CNTNAP4: variants seen among roughly 807,000 people sequenced by gnomAD.
The protein encoded by CNTNAP4 is contactin associated protein family member 4.
Under a neutral mutation model 148.4 loss-of-function variants are expected in CNTNAP4, and 98 were observed. That is an observed-to-expected ratio of 0.66 (90% CI 0.56 to 0.78). The LOEUF (loss-of-function observed/expected upper bound fraction) is 0.78, where lower values mean the gene tolerates loss of function less well. CNTNAP4 is among the 30% of genes least tolerant of loss of function. The probability of loss-of-function intolerance (pLI) is 0.00; values close to 1 mark genes in which losing one functional copy is unlikely to be tolerated. For synonymous variants in CNTNAP4, 730 were observed against 565.1 expected, an observed-to-expected ratio of 1.29 and a Z score of -4.14; for missense variants, 1,935 against 1,565.6, an observed-to-expected ratio of 1.24 and a Z score of -3.98.
chr16:76,335,940 A>G (rs1963985147), intron 2 of CNTNAP4, among the ~76,000 whole-genome samples: 1 of 152,140 alleles, frequency 6.6e-6, no homozygotes, highest in African/African-American at 2.4e-5. Flanking sequence ...CTGCTTGATT[A>G]TCATAGGATT....
chr16:76,292,483 A>G (rs999146319), intron 1 of CNTNAP4, among the ~76,000 whole-genome samples: 3 of 152,042 alleles, frequency 2.0e-5, no homozygotes, highest in Non-Finnish European at 2.9e-5. Flanking sequence ...CGGCATTACC[A>G]ATCTTCCCTA....
rs202191559 is a variant in CNTNAP4, at chr16:76,460,098, G to GT, written c.1334-1850dup. Among the ~76,000 whole-genome samples, 438 of 151,432 alleles carry GT rather than the reference G, an allele frequency of 2.9e-3. 16 individuals carry two copies. The East Asian group carries it at 0.065, about 23-fold the overall frequency. ...TTTTTATTTGTTTCTTTTTATTTTT[G>GT]TTTTTTTTGTTTGTTTGTTTTGTTC... On this transcript the variant is annotated intron_variant, in intron 8 of 23. Transcript: ENST00000611870.
intron 2 of CNTNAP4, among the ~76,000 whole-genome samples, chr16:76,344,944 GT>G (rs1432534480): frequency 1.3e-5 from 2 of 152,194 alleles, no homozygotes; most frequent in African/African-American, 2.4e-5. Flanking sequence ...TATTTTGCTA[GT>G]GACTACCACA....
At chr16:76,554,100 G>A (rs955459932) in intron 23 of CNTNAP4, among the ~76,000 whole-genome samples, 193 bp downstream of exon 23, 2 of 152,160 alleles carry the variant, frequency 1.3e-5, no homozygotes, top group African/African-American at 4.8e-5. Context: ...TGCTTCCTTG[G>A]AGATTTTCAG....
intron 1 of CNTNAP4, among the ~76,000 whole-genome samples, chr16:76,313,874 A>C (rs2144063394): frequency 6.6e-6 from 1 of 152,330 alleles, no homozygotes; most frequent in Admixed American, 6.5e-5. Context: ...TAAATTATAG[A>C]ATGTATATGT....
intron 15 of CNTNAP4, among the ~76,000 whole-genome samples, chr16:76,518,613 AATT>A (rs1350755011): frequency 8.1e-4 from 18 of 22,154 alleles, no homozygotes; most frequent in African/African-American, 2.0e-3. Flanking sequence ...GCATGCATAG[AATT>A]ACATGCATAG....
In CNTNAP4 at chr16:76,452,613, T is replaced by G; in HGVS notation, c.1177T>G (p.Ser393Ala). 6.2e-7 allele frequency: 1 copy of G among 1,614,022 alleles called. No individual in the cohort carries two copies. The highest frequency in any genetic ancestry group is 8.5e-7 in the Non-Finnish European group (1 of 1,179,874). Residue 393 changes from serine to alanine, a missense_variant, in exon 8 of 24, where the codon TCT (serine) becomes GCT (alanine). Transcript: ENST00000611870. ...AGACTTCTCTGGAGAGGAGGAGGTT[T>G]CTGCCACTTTTCAATTTCGAACTTG... ...LPDFSGEEEV[S>A]ATFQFRTWNK...
At chr16:76,393,207 G>A (rs1468321650) in intron 3 of CNTNAP4, among the ~76,000 whole-genome samples, 1 of 152,038 alleles carries the variant, frequency 6.6e-6, no homozygotes, top group Admixed American at 6.6e-5. Flanking sequence ...CTCAGCCATC[G>A]ATGATGATTT....
intron 1 of CNTNAP4, among the ~76,000 whole-genome samples, chr16:76,303,689 C>T (rs1960207322): frequency 6.6e-6 from 1 of 152,166 alleles, no homozygotes. Context: ...ATTTCTGCAT[C>T]ATGTGCAGTT....
chr16:76,384,485 C>T (rs761782732), intron 3 of CNTNAP4, among the ~76,000 whole-genome samples: 17 of 152,176 alleles, frequency 1.1e-4, no homozygotes, highest in Admixed American at 2.6e-4. Flanking sequence ...AGGCCACCCA[C>T]ACCCAAGCGA....
chr16:76,452,008 C>T (rs1025712889), intron 7 of CNTNAP4, among the ~76,000 whole-genome samples: 1 of 150,932 alleles, frequency 6.6e-6, no homozygotes, highest in East Asian at 1.9e-4. Context: ...TAAATATATA[C>T]AACTATTATG....
At chr16:76,399,849 C>T (rs1400104707) in intron 3 of CNTNAP4, among the ~76,000 whole-genome samples, 1 of 152,116 alleles carries the variant, frequency 6.6e-6, no homozygotes, top group Non-Finnish European at 1.5e-5. Context: ...ATGAAGAGAG[C>T]ATGCTAATTT....
intron 11 of CNTNAP4, among the ~76,000 whole-genome samples, chr16:76,476,394 A>G (rs941977380): frequency 6.6e-6 from 1 of 152,196 alleles, no homozygotes; most frequent in Non-Finnish European, 1.5e-5. Flanking sequence ...TCAGTTACCA[A>G]ATTCTTACTA....
chr16:76,296,089 T>C (rs1032675880), intron 1 of CNTNAP4, among the ~76,000 whole-genome samples: 1 of 152,246 alleles, frequency 6.6e-6, no homozygotes, highest in Non-Finnish European at 1.5e-5. Context: ...TGTGTGTGAT[T>C]TCTACAATGC....
At chr16:76,439,933 T>G (rs1311151946) in intron 4 of CNTNAP4, among the ~76,000 whole-genome samples, 4 of 152,158 alleles carry the variant, frequency 2.6e-5, no homozygotes, top group African/African-American at 9.7e-5. Flanking sequence ...GTAATGCAGG[T>G]CTCAAGTGCC....
intron 2 of CNTNAP4, among the ~76,000 whole-genome samples, chr16:76,318,682 CATAAT>C (rs1349203734): frequency 6.7e-6 from 1 of 148,740 alleles, no homozygotes; most frequent in African/African-American, 2.4e-5. Flanking sequence ...AGAAATTTCT[CATAAT>C]ATTTCTCATA....
At chr16:76,521,713 G>A (rs890113189) in intron 16 of CNTNAP4, among the ~76,000 whole-genome samples, 5 of 152,036 alleles carry the variant, frequency 3.3e-5, no homozygotes, top group African/African-American at 7.2e-5. Flanking sequence ...TTATTTTTAC[G>A]TACAATGCCA....
intron 1 of CNTNAP4, among the ~76,000 whole-genome samples, chr16:76,305,732 A>G (rs1052519378): frequency 2.6e-5 from 4 of 152,042 alleles, no homozygotes; most frequent in African/African-American, 9.7e-5. Context: ...ACATGTGTAG[A>G]TTTGCTACAT....
intron 2 of CNTNAP4, among the ~76,000 whole-genome samples, chr16:76,339,407 A>G (rs1468091607): frequency 6.6e-6 from 1 of 152,156 alleles, no homozygotes; most frequent in African/African-American, 2.4e-5. Flanking sequence ...CTTAATCTAA[A>G]CACCACATTA....
Sources: gnomAD v4.1 joint callset for allele counts (sites outside exome capture counted in the v4.1 genomes callset) on GRCh38, gnomAD v4.1.1 for gene constraint, MANE v1.5 for transcripts, NCBI Gene and HGNC (gene_info 2026-07-23, HGNC 2026-07-21) for gene names.